Variants in WAPL observed in about 807,000 individuals in gnomAD.
The protein encoded by WAPL is wings apart-like protein homolog.
Under a neutral mutation model 121.0 loss-of-function variants are expected in WAPL, and 5 were observed. The ratio of observed to expected loss-of-function variants is 0.04; its 90% CI spans 0.02 to 0.09. The LOEUF is 0.09. Among genes scored for constraint, WAPL ranks in the 10% least tolerant of loss-of-function variants. The pLI is 1.00. For missense variants in WAPL, 999 were observed against 1,410.8 expected (o/e 0.71, Z 4.68); for synonymous variants, 480 against 481.5 (o/e 1.00, Z 0.04).
chr10:86,504,700 T>C (rs191973165), intron 2 of WAPL, among the ~76,000 whole-genome samples: 1 of 151,632 alleles, frequency 6.6e-6, no homozygotes, highest in Non-Finnish European at 1.5e-5. Context: ...TACGTGCTTA[T>C]AGTCCCACCT....
At chr10:86,460,100 G>A (rs1477518959) in intron 11 of WAPL, among the ~76,000 whole-genome samples, 1 of 152,164 alleles carries the variant, frequency 6.6e-6, no homozygotes, top group Non-Finnish European at 1.5e-5. Context: ...GTGACAGAGT[G>A]AGACTCTGGC....
intron 2 of WAPL, among the ~76,000 whole-genome samples, chr10:86,509,035 G>A (rs1310556510): frequency 9.2e-5 from 14 of 152,140 alleles, no homozygotes; most frequent in African/African-American, 3.1e-4. Flanking sequence ...AAGCCACCGC[G>A]CCCGGCCAGT....
chr10:86,481,368 T>G (rs112153233), intron 4 of WAPL, among the ~76,000 whole-genome samples: 3,226 of 152,200 alleles, frequency 0.021, 63 homozygotes, highest in Non-Finnish European at 0.034. Flanking sequence ...ACTTTTTATG[T>G]AAGAAAAAAA....
intron 2 of WAPL, among the ~76,000 whole-genome samples, chr10:86,510,619 GAAT>G (rs1479564819): frequency 2.6e-5 from 4 of 152,110 alleles, no homozygotes; most frequent in African/African-American, 4.8e-5. Context: ...CAAACCTTGA[GAAT>G]AATACTCCTT....
At position 86,499,967 on chromosome 10, in the gene WAPL, G is replaced by A; in HGVS notation, c.1276C>T (p.Leu426Phe). 1 of 1,614,026 alleles carries A rather than the reference G, an allele frequency of 6.2e-7. No homozygotes were observed. Among genetic ancestry groups the A allele is most frequent in the Non-Finnish European group, 8.5e-7 (1 of 1,179,990 alleles). ...SNTKSKKDVK[L>F]EFFGFEDHET... ...TGATCTTCAAAACCAAAAAATTCAAGTTTAACATCCTTTTTGGATTTAGTA... is the reference window on the plus strand; with the variant it reads ...TGATCTTCAAAACCAAAAAATTCAAATTTAACATCCTTTTTGGATTTAGTA... The change falls in exon 3 of 19, where the codon CTT (leucine) becomes TTT (phenylalanine). Residue 426 changes from leucine to phenylalanine, a missense_variant. Physicochemically the swap from Leu to Phe is conservative, Grantham distance 22 (BLOSUM62 0). This residue lies in a region of WAPL where 531 missense variants were observed against 563.1 expected (regional missense o/e 0.94). Coordinates refer to ENST00000298767, the MANE Select transcript of WAPL (RefSeq NM_015045.5).
chr10:86,463,155 A>T (rs1841327887), intron 9 of WAPL, among the ~76,000 whole-genome samples: 1 of 152,228 alleles, frequency 6.6e-6, no homozygotes, highest in Non-Finnish European at 1.5e-5. Flanking sequence ...AGGCCGCAAG[A>T]TGGCTCACAC....
rs1841544586 is a variant in WAPL at position 86,472,057 on chromosome 10, A to G, written c.2030+151T>C. The stretch of plus-strand genomic sequence containing the variant: ...TATCATGCAGAATCAAATTCTTTAT[A>G]AAGAAATGGATAGCATTTTAACATA... On this transcript the variant is annotated intron_variant, in intron 7 of 18. Transcript: ENST00000298767. This position sits in a 1 kb window ranked among gnomAD's most constrained non-coding sequence, Gnocchi z 4.2. 3.2e-6 allele frequency: 2 copies of G among 623,466 alleles called. No homozygotes were observed. The highest frequency in any genetic ancestry group is 4.8e-6 in the Non-Finnish European group (2 of 412,678). 38.6% of individuals were successfully genotyped at this position (623,466 alleles called of 1,614,324 possible).
chr10:86,488,808 T>C (rs959233682), intron 4 of WAPL, among the ~76,000 whole-genome samples: 1 of 152,132 alleles, frequency 6.6e-6, no homozygotes, highest in Admixed American at 6.5e-5. Context: ...CAAGGCCAAA[T>C]ACTAATAACT....
chr10:86,481,810 C>T (rs1484086518), intron 4 of WAPL, among the ~76,000 whole-genome samples: 2 of 151,710 alleles, frequency 1.3e-5, no homozygotes, highest in African/African-American at 2.4e-5. Flanking sequence ...ATTAAACTTA[C>T]CTTTTTATAT....
intron 4 of WAPL, among the ~76,000 whole-genome samples, chr10:86,476,811 C>T (rs1841667662): frequency 6.6e-6 from 1 of 152,004 alleles, no homozygotes; most frequent in Non-Finnish European, 1.5e-5. Context: ...AGCCTACCTA[C>T]CTAATAAAGA....
At position 86,449,246 on chromosome 10, in the gene WAPL, C is replaced by T. The variant is rs567986058; in HGVS notation, c.3114+2721G>A. Among the ~76,000 whole-genome samples, 53 of 152,198 alleles carry T rather than the reference C, an allele frequency of 3.5e-4. 1 individual carries two copies. Among genetic ancestry groups the T allele is most frequent in the Admixed American group, 5.9e-4 (9 of 15,290 alleles). ...AGGCCAACGTTATCAGTAGCATAAA[C>T]GATATAAATCTGAACATGGATTTTT... On this transcript the variant is annotated intron_variant, in intron 15 of 18. Transcript: ENST00000298767.
chr10:86,510,305 C>T (rs979801904), intron 2 of WAPL, among the ~76,000 whole-genome samples: 2 of 152,232 alleles, frequency 1.3e-5, no homozygotes, highest in East Asian at 3.9e-4. Flanking sequence ...GAACTCCTGA[C>T]CTCGTGATCC....
At chr10:86,443,042 C>CAA (rs11402869) in intron 17 of WAPL, among the ~76,000 whole-genome samples, 1,706 of 123,076 alleles carry the variant, frequency 0.014, 24 homozygotes, top group Admixed American at 0.044. Context: ...GACTCCGCCT[C>CAA]AAAAAAAAAA....
intron 4 of WAPL, among the ~76,000 whole-genome samples, chr10:86,492,749 T>C (rs1303580486): frequency 6.6e-6 from 1 of 152,118 alleles, no homozygotes; most frequent in African/African-American, 2.4e-5. Flanking sequence ...ACAAATATCC[T>C]GGCCTCTTAA....
chr10:86,497,141 A>T, intron 4 of WAPL, 60 bp downstream of exon 4: 3 of 1,322,678 alleles, frequency 2.3e-6, no homozygotes, highest in Non-Finnish European at 3.2e-6. Flanking sequence ...ATAAAAAATT[A>T]AGAGTTGAGC....
At chr10:86,506,494 G>A (rs937066378) in intron 2 of WAPL, among the ~76,000 whole-genome samples, 1 of 152,180 alleles carries the variant, frequency 6.6e-6, no homozygotes, top group Non-Finnish European at 1.5e-5. Context: ...GTCAATATTG[G>A]CCACGTGTGG....
chr10:86,520,123 A>G (rs1842644396), intron 1 of WAPL, among the ~76,000 whole-genome samples: 1 of 152,176 alleles, frequency 6.6e-6, no homozygotes, highest in Non-Finnish European at 1.5e-5. Flanking sequence ...TGGAGAAACC[A>G]CGTTTCTACT....
At chr10:86,499,692 A>G (rs376192870) in intron 3 of WAPL, 26 bp downstream of exon 3, 1 of 1,533,050 alleles carries the variant, frequency 6.5e-7, no homozygotes, top group South Asian at 1.3e-5. Flanking sequence ...TATTGTACTT[A>G]TTATACATAT....
intron 8 of WAPL, among the ~76,000 whole-genome samples, chr10:86,467,914 G>A (rs1035788125): frequency 4.6e-5 from 7 of 151,934 alleles, no homozygotes; most frequent in Non-Finnish European, 1.0e-4. Flanking sequence ...TCCTGACTTC[G>A]TGATCCGCCC....
Sources: gnomAD v4.1 joint callset for allele counts (sites outside exome capture counted in the v4.1 genomes callset) on GRCh38, gnomAD v4.1.1 for gene constraint, gnomAD v4.1.1 regional missense constraint, Gnocchi (gnomAD v3.1) non-coding constraint, MANE v1.5 for transcripts, NCBI Gene and HGNC (gene_info 2026-07-23, HGNC 2026-07-21) for gene names.